RAPGEF2: variants seen among roughly 807,000 people sequenced by gnomAD.
RAPGEF2 encodes the protein Rap guanine nucleotide exchange factor 2.
Under a neutral mutation model 186.7 loss-of-function variants are expected in RAPGEF2, and 54 were observed. That is an observed-to-expected ratio of 0.29 (90% CI 0.23 to 0.36). The LOEUF is 0.36. RAPGEF2 is among the 10% of genes least tolerant of loss of function. The probability of loss-of-function intolerance (pLI) is 1.00; values close to 1 mark genes in which losing one functional copy is unlikely to be tolerated. For missense variants in RAPGEF2, 1,532 were observed against 2,045.0 expected, an observed-to-expected ratio of 0.75 and a Z score of 4.84; for synonymous variants, 712 against 705.9, an observed-to-expected ratio of 1.01 and a Z score of -0.14.
chr4:159,336,154 T>G (rs558876353), intron 17 of RAPGEF2, among the ~76,000 whole-genome samples: 46 of 86,678 alleles, frequency 5.3e-4, no homozygotes, highest in Non-Finnish European at 8.9e-4. Context: ...TGAAATTGTC[T>G]TTATTTTTTT....
In RAPGEF2 at chr4:159,358,769, G is replaced by A. The variant is rs1482096425; in HGVS notation, c.*630G>A. On this transcript the variant is annotated 3_prime_UTR_variant, in exon 30 of 30. Transcript: ENST00000691494. ...TTTTAAACCTTAAGTAGGGTTGCCA[G>A]CCTGGTTTCTGAAAAACCAAATATG... 6.6e-6 allele frequency: 1 copy of A among 152,196 alleles called. No individual in the cohort carries two copies. The highest frequency in any genetic ancestry group is 1.5e-5 in the Non-Finnish European group (1 of 68,030). The allele number at this position is 152,196 out of a possible 1,614,324, so 9.4% of individuals were successfully genotyped here. A position where few individuals can be genotyped will look rare whatever the true frequency, so the allele number is the denominator to read the frequency against.
intron 8 of RAPGEF2, among the ~76,000 whole-genome samples, chr4:159,305,137 A>G (rs1339113491): frequency 6.6e-6 from 1 of 152,234 alleles, no homozygotes; most frequent in Non-Finnish European, 1.5e-5. Flanking sequence ...GCTGCAATAA[A>G]CATACAGGTG....
At chr4:159,249,476 T>G (rs970444088) in intron 7 of RAPGEF2, among the ~76,000 whole-genome samples, 1 of 152,038 alleles carries the variant, frequency 6.6e-6, no homozygotes. Flanking sequence ...AATGCCTCTC[T>G]GTTAGCTGGA....
At chr4:159,162,518 G>T (rs990205828) in intron 1 of RAPGEF2, among the ~76,000 whole-genome samples, 1 of 152,010 alleles carries the variant, frequency 6.6e-6, no homozygotes, top group Non-Finnish European at 1.5e-5. Flanking sequence ...TTAAAATTCA[G>T]GTTTGTTGTA....
At chr4:159,178,445 C>G (rs1309452416) in intron 1 of RAPGEF2, among the ~76,000 whole-genome samples, 1 of 151,182 alleles carries the variant, frequency 6.6e-6, no homozygotes, top group African/African-American at 2.4e-5. Flanking sequence ...TGTAAGTTTG[C>G]TATGAAGCCC....
At chr4:159,300,726 G>A (rs4432715) in intron 7 of RAPGEF2, among the ~76,000 whole-genome samples, 14,095 of 152,114 alleles carry the variant, frequency 0.093, 2,163 homozygotes, top group African/African-American at 0.32. Context: ...ATTAAATAGC[G>A]TACTATACAT....
intron 4 of RAPGEF2, among the ~76,000 whole-genome samples, chr4:159,222,916 T>TTATA (rs141718364): frequency 0.016 from 2,386 of 148,922 alleles, 38 homozygotes; most frequent in East Asian, 0.087. Context: ...ATGAGTTGAA[T>TTATA]TATATATATA....
In RAPGEF2 at chr4:159,284,500, A is replaced by G. The variant is rs1226833819; in HGVS notation, c.544-19842A>G. On this transcript the variant is annotated intron_variant, in intron 7 of 29. Transcript: ENST00000691494. ...CATGGAGACACACACACACACACAC[A>G]CACACACACACACACACACACACAC... 2.3e-4 allele frequency among the ~76,000 whole-genome samples: 12 copies of G among 53,120 alleles called. No homozygotes were observed. The Admixed American group carries it at 2.5e-3, about 11-fold the overall frequency. 34.8% of individuals were successfully genotyped at this position (53,120 alleles called of 152,430 possible).
chr4:159,353,873 A>T lies in RAPGEF2; in HGVS notation c.4478A>T (p.Tyr1493Phe), dbSNP rs2111339413. Reference protein sequence around the residue: ...SRASWASSTGYWGEDSEGDTG... With the variant: ...SRASWASSTGFWGEDSEGDTG... ...GCAAGCTGGGCGTCTTCCACAGGTT[A>T]CTGGGGAGAAGACTCAGAAGGTGAC... Residue 1493 changes from tyrosine to phenylalanine, a missense_variant, in exon 28 of 30, where the codon TAC becomes TTC. This residue lies in a region of RAPGEF2 where 594 missense variants were observed against 608.5 expected (regional missense o/e 0.98). Coordinates refer to ENST00000691494, the MANE Select transcript of RAPGEF2 (RefSeq NM_001394067.2). The surrounding 1 kb of genome is among the most constrained non-coding windows in gnomAD (Gnocchi z 4.3). 1 of 1,614,210 alleles carries T rather than the reference A, an allele frequency of 6.2e-7. No individual in the cohort carries two copies. Among genetic ancestry groups the T allele is most frequent in the East Asian group, 2.2e-5 (1 of 44,886 alleles).
chr4:159,166,904 C>T (rs1308795160), intron 1 of RAPGEF2, among the ~76,000 whole-genome samples: 2 of 151,984 alleles, frequency 1.3e-5, no homozygotes, highest in Non-Finnish European at 2.9e-5. Flanking sequence ...CTGGAATAGA[C>T]CTCAGATGCT....
At chr4:159,134,394 T>C (rs1205041912) in intron 1 of RAPGEF2, among the ~76,000 whole-genome samples, 1 of 152,254 alleles carries the variant, frequency 6.6e-6, no homozygotes, top group Non-Finnish European at 1.5e-5. Flanking sequence ...AAGTGATGAA[T>C]ATTTAGGTTG....
chr4:159,341,488 G>A lies in RAPGEF2; in HGVS notation c.2535-76G>A. ...TGCTCTCTCAAACTTTCCATAAAAAGTAGCATTATTCTTTCAAGGAATATC... is the reference window on the plus strand; with the variant it reads ...TGCTCTCTCAAACTTTCCATAAAAAATAGCATTATTCTTTCAAGGAATATC... On this transcript the variant is annotated intron_variant, in intron 19 of 29. Coordinates refer to ENST00000691494, the MANE Select transcript of RAPGEF2 (RefSeq NM_001394067.2). 2.1e-6 allele frequency: 3 copies of A among 1,424,164 alleles called. No homozygotes were observed. In the South Asian group the frequency reaches 4.3e-5, roughly 20 times the overall value. The allele number at this position is 1,424,164 out of a possible 1,614,324, so 88.2% of individuals were successfully genotyped here.
rs140070469 is a variant in RAPGEF2 at position 159,123,611 on chromosome 4, T to C, written c.69+19380T>C. Among the ~76,000 whole-genome samples the C allele has an allele frequency of 8.3e-3, 1,249 of 150,570 alleles. 23 individuals are homozygous for C. Among genetic ancestry groups the C allele is most frequent in the African/African-American group, 0.029 (1,185 of 40,942 alleles). The stretch of plus-strand genomic sequence containing the variant: ...TGGAGTGCAGTGGCTCGATCTCAGC[T>C]GGGTTCACGCCATTCTCCTACCTCA... On this transcript the variant is annotated intron_variant, in intron 1 of 29. Transcript: ENST00000691494.
chr4:159,143,291 A>G (rs888879688), intron 1 of RAPGEF2, among the ~76,000 whole-genome samples: 1 of 152,052 alleles, frequency 6.6e-6, no homozygotes, highest in Non-Finnish European at 1.5e-5. Flanking sequence ...AACGAAAAAA[A>G]CTTTGTTTTT....
intron 1 of RAPGEF2, among the ~76,000 whole-genome samples, chr4:159,144,879 GTTTTTTTT>G (rs137978885): frequency 3.7e-4 from 34 of 92,314 alleles, no homozygotes; most frequent in African/African-American, 6.4e-4. Context: ...CTTTCTTCCT[GTTTTTTTT>G]TTTTTTTTTT....
At chr4:159,250,799 C>G (rs999236901) in intron 7 of RAPGEF2, among the ~76,000 whole-genome samples, 5 of 151,832 alleles carry the variant, frequency 3.3e-5, no homozygotes, top group African/African-American at 1.2e-4. Flanking sequence ...CTCGGCGCCT[C>G]GGCCTCGGCA....
chr4:159,275,054 CGT>C (rs35461332), intron 7 of RAPGEF2, among the ~76,000 whole-genome samples: 33,221 of 143,712 alleles, frequency 0.23, 3,757 homozygotes, highest in South Asian at 0.26. Context: ...CTCTGTCTCT[CGT>C]GTGTGTGTGT....
chr4:159,157,690 C>G lies in RAPGEF2; in HGVS notation c.70-28952C>G, dbSNP rs1053286869. On this transcript the variant is annotated intron_variant, in intron 1 of 29. Coordinates refer to ENST00000691494, the MANE Select transcript of RAPGEF2 (RefSeq NM_001394067.2). ...CCGTTCTTCAGGGGGAAGGGGAAAC[C>G]TTATGAGACAACAGCTTTCTATTGC... Among the ~76,000 whole-genome samples the G allele has an allele frequency of 2.0e-5, 3 of 152,184 alleles. No homozygotes were observed. The South Asian group carries it at 6.2e-4, about 32-fold the overall frequency.
At chr4:159,262,204 G>C (rs964410154) in intron 7 of RAPGEF2, among the ~76,000 whole-genome samples, 1 of 152,166 alleles carries the variant, frequency 6.6e-6, no homozygotes, top group South Asian at 2.1e-4. Flanking sequence ...GATAAGTTTT[G>C]TGTGGTTCCC....
Sources: allele counts gnomAD v4.1 joint callset (sites outside exome capture counted in the v4.1 genomes callset), GRCh38; gene constraint gnomAD v4.1.1; regional missense constraint gnomAD v4.1.1; non-coding constraint Gnocchi (gnomAD v3.1); transcripts MANE v1.5; gene names NCBI Gene and HGNC (gene_info 2026-07-23, HGNC 2026-07-21).